Variants in KCTD9 observed in about 807,000 individuals in gnomAD.
The protein encoded by KCTD9 is potassium channel tetramerization domain containing 9, also known as BTB/POZ domain-containing protein KCTD9.
A neutral mutation model predicts 53.3 loss-of-function variants in KCTD9; 17 were observed. That is an observed-to-expected ratio of 0.32 (90% CI 0.22 to 0.48). The LOEUF (loss-of-function observed/expected upper bound fraction) is 0.48. Ranked by LOEUF, KCTD9 falls within the 20% of genes least tolerant of loss-of-function variation. The probability of loss-of-function intolerance (pLI) is 0.99; values close to 1 mark genes in which losing one functional copy is unlikely to be tolerated. For missense variants in KCTD9, 179 were observed against 465.5 expected (o/e 0.38, Z 5.66); for synonymous variants, 128 against 162.7 (o/e 0.79, Z 1.62).
At chr8:25,435,613 G>T in intron 8 of KCTD9, 101 bp from the exon 9 acceptor site, 1 of 947,746 alleles carries the variant, frequency 1.1e-6, no homozygotes, top group Non-Finnish European at 1.5e-6. Flanking sequence ...GAAGCAATTG[G>T]CAGTTCAGTC....
intron 11 of KCTD9, 113 bp from the exon 12 acceptor site, chr8:25,430,086 C>T: frequency 1.4e-6 from 1 of 700,178 alleles, no homozygotes; most frequent in Non-Finnish European, 2.6e-6. Context: ...TACAATAAAA[C>T]TCAGTTAATT....
rs1052529106 is a variant in KCTD9, at chr8:25,451,607, T to C, written c.49-5357A>G. ...TCTATTAAAGTTCATGATGTCTGTA[T>C]TATACTACTTTTCAGAGTCAATTAT... is the stretch of plus-strand genomic sequence containing the variant. On this transcript the variant is annotated intron_variant, in intron 1 of 11. Coordinates refer to ENST00000221200, the MANE Select transcript of KCTD9 (RefSeq NM_017634.4). 2.6e-5 allele frequency: 4 copies of C among 152,246 alleles called. 1 individual carries two copies. Among genetic ancestry groups the C allele is most frequent in the Non-Finnish European group, 1.5e-5 (1 of 68,034 alleles). 9.4% of individuals were successfully genotyped at this position (152,246 alleles called of 1,614,324 possible).
chr8:25,431,338 T>C (rs1281879224), intron 11 of KCTD9, among the ~76,000 whole-genome samples: 3 of 152,124 alleles, frequency 2.0e-5, no homozygotes, highest in African/African-American at 2.4e-5. Flanking sequence ...ACGTATATAA[T>C]ACAGTGAGTT....
chr8:25,452,317 G>A (rs1350570426), intron 1 of KCTD9, among the ~76,000 whole-genome samples: 1 of 152,164 alleles, frequency 6.6e-6, no homozygotes, highest in African/African-American at 2.4e-5. Flanking sequence ...GACCAATAGG[G>A]AAGATTTATG....
Position 25,435,435 on chromosome 8 carries a change from G to A in KCTD9, c.741C>T (p.Arg247=), listed in dbSNP as rs1325711349. ...YINFKMANLS[R]CNLAHANLCC... ...AAAGATTTGCATGTGCAAGATTACA[G>A]CGGCTTAAATTGGCCATTTTGAAGT... is the stretch of plus-strand genomic sequence containing the variant. The change falls in exon 9 of 12, where the codon CGC becomes CGT. Residue 247 remains arginine (R), a synonymous_variant. Transcript: ENST00000221200. The A allele has an allele frequency of 5.6e-6, 9 of 1,612,606 alleles. No homozygotes were observed. Among genetic ancestry groups the A allele is most frequent in the Non-Finnish European group, 7.6e-6 (9 of 1,179,252 alleles).
intron 6 of KCTD9, among the ~76,000 whole-genome samples, chr8:25,438,114 G>C (rs948367303): frequency 3.7e-4 from 57 of 152,028 alleles, no homozygotes; most frequent in African/African-American, 1.4e-3. Context: ...GAAAAAACTA[G>C]CAAATCTTGG....
intron 6 of KCTD9, among the ~76,000 whole-genome samples, chr8:25,438,381 G>A (rs1802058859): frequency 6.6e-6 from 1 of 151,570 alleles, no homozygotes; most frequent in Non-Finnish European, 1.5e-5. Context: ...AAGTTAATGG[G>A]TGTTTTGTAT....
In KCTD9 at chr8:25,433,429, T is replaced by A; in HGVS notation, c.820A>T (p.Asn274Tyr). 1 of 1,588,886 alleles carries A rather than the reference T, an allele frequency of 6.3e-7. No individual in the cohort carries two copies. The highest frequency in any genetic ancestry group is 8.6e-7 in the Non-Finnish European group (1 of 1,162,120). Residue 274 changes from asparagine to tyrosine, a missense_variant, in exon 10 of 12, where the codon AAT becomes TAT. Around this residue, in one of 4 missense-constraint regions of KCTD9, gnomAD observed 32 missense variants for 55.7 expected, o/e 0.57. Coordinates refer to ENST00000221200, the MANE Select transcript of KCTD9 (RefSeq NM_017634.4). ...DLSGSVLDCA[N>Y]LQGVKMLCSN... Reference sequence around the variant, plus strand: ...CAGAGCATCTTGACTCCCTGGAGATTCGCACACTGCAAAGAAAAGAGAAAA... The same window carrying A: ...CAGAGCATCTTGACTCCCTGGAGATACGCACACTGCAAAGAAAAGAGAAAA...
chr8:25,447,502 G>C (rs1310977642), intron 1 of KCTD9, among the ~76,000 whole-genome samples: 1 of 152,178 alleles, frequency 6.6e-6, no homozygotes, highest in African/African-American at 2.4e-5. Context: ...GAGCACTAAG[G>C]CTGGTCCTCT....
At chr8:25,433,735 TCTGACA>T (rs1801969782) in intron 9 of KCTD9, among the ~76,000 whole-genome samples, 1 of 152,226 alleles carries the variant, frequency 6.6e-6, no homozygotes, top group Admixed American at 6.5e-5. Context: ...GAGTCAGAAC[TCTGACA>T]CCTCTATCTC....
chr8:25,438,868 T>C (rs1802067535), intron 6 of KCTD9, among the ~76,000 whole-genome samples: 1 of 152,250 alleles, frequency 6.6e-6, no homozygotes, highest in African/African-American at 2.4e-5. Context: ...TTGCAAGGCA[T>C]GATTTGCCCT....
At chr8:25,457,881 C>G (rs1159937471) in intron 1 of KCTD9, 1 of 223,870 alleles carries the variant, frequency 4.5e-6, no homozygotes, top group African/African-American at 2.3e-5. Context: ...ACCGCCCGGG[C>G]GCCCAGGTGA....
At chr8:25,450,431 G>C (rs183113828) in intron 1 of KCTD9, 2 of 984,286 alleles carry the variant, frequency 2.0e-6, no homozygotes, top group South Asian at 4.7e-5. Context: ...GAGTGTTGAA[G>C]TAGGACACAC....
chr8:25,430,808 T>TAC (rs139075991), intron 11 of KCTD9, among the ~76,000 whole-genome samples: 3,002 of 145,552 alleles, frequency 0.021, 95 homozygotes, highest in African/African-American at 0.071. Context: ...ACATAATAAA[T>TAC]ACACACACAC....
chr8:25,458,419 G>A lies in KCTD9; in HGVS notation c.-173C>T, dbSNP rs1802524368. The A allele has an allele frequency of 1.4e-6, 1 of 721,872 alleles. No homozygotes were observed. Among genetic ancestry groups the A allele is most frequent in the Non-Finnish European group, 2.4e-6 (1 of 423,266 alleles). The allele number at this position is 721,872 out of a possible 1,614,324, so 44.7% of individuals were successfully genotyped here. A position where few individuals can be genotyped will look rare whatever the true frequency, so the allele number is the denominator to read the frequency against. Reference sequence around the variant, plus strand: ...GCACGCACTCTGTCCCACACCCAAGGTTCGGCCGGTCCTCCTTCCCACCCC... The same window carrying A: ...GCACGCACTCTGTCCCACACCCAAGATTCGGCCGGTCCTCCTTCCCACCCC... On this transcript the variant is annotated 5_prime_UTR_variant, in exon 1 of 12. Coordinates refer to ENST00000221200, the MANE Select transcript of KCTD9 (RefSeq NM_017634.4).
At chr8:25,456,016 C>T (rs1802426929) in intron 1 of KCTD9, among the ~76,000 whole-genome samples, 1 of 152,190 alleles carries the variant, frequency 6.6e-6, no homozygotes, top group Admixed American at 6.5e-5. Flanking sequence ...CTCTCTCCAA[C>T]GTCAAATACG....
intron 1 of KCTD9, among the ~76,000 whole-genome samples, chr8:25,455,705 T>G (rs1221880457): frequency 1.3e-5 from 2 of 152,194 alleles, no homozygotes; most frequent in African/African-American, 4.8e-5. Flanking sequence ...AATGTGCCGG[T>G]TGTAAGCTTC....
At chr8:25,434,527 G>A (rs1357733489) in intron 9 of KCTD9, among the ~76,000 whole-genome samples, 1 of 150,158 alleles carries the variant, frequency 6.7e-6, no homozygotes, top group African/African-American at 2.4e-5. Flanking sequence ...TTTTTTTGAT[G>A]TTAGTCTTTT....
At chr8:25,448,199 G>A (rs906404453) in intron 1 of KCTD9, among the ~76,000 whole-genome samples, 12 of 133,994 alleles carry the variant, frequency 9.0e-5, no homozygotes, top group African/African-American at 2.0e-4. Context: ...AAAGCAAAGC[G>A]AGAAGAGAAG....
Sources: allele counts gnomAD v4.1 joint callset (sites outside exome capture counted in the v4.1 genomes callset), GRCh38; gene constraint gnomAD v4.1.1; regional missense constraint gnomAD v4.1.1; transcripts MANE v1.5; gene names NCBI Gene and HGNC (gene_info 2026-07-23, HGNC 2026-07-21).